MYO5B: variants seen among roughly 807,000 people sequenced by gnomAD.
MYO5B encodes myosin VB.
Under a neutral mutation model 229.3 loss-of-function variants are expected in MYO5B, and 143 were observed. That is an observed-to-expected ratio of 0.62 (90% CI 0.54 to 0.72). The LOEUF (loss-of-function observed/expected upper bound fraction) is 0.72, where lower values mean the gene tolerates loss of function less well. Ranked by LOEUF, MYO5B falls within the 30% of genes least tolerant of loss-of-function variation. MYO5B has a pLI of 0.00. For missense variants in MYO5B, 2,321 were observed against 2,331.0 expected (o/e 1.00, Z 0.09); for synonymous variants, 918 against 885.2 (o/e 1.04, Z -0.66).
chr18:49,890,952 G>A (rs2024705766), intron 22 of MYO5B, among the ~76,000 whole-genome samples: 1 of 152,190 alleles, frequency 6.6e-6, no homozygotes, highest in South Asian at 2.1e-4. Flanking sequence ...CTTCAAAATG[G>A]TCCTGCAGAT....
chr18:50,140,587 A>G (rs760970844), intron 1 of MYO5B, among the ~76,000 whole-genome samples: 70 of 152,240 alleles, frequency 4.6e-4, no homozygotes, highest in Admixed American at 1.1e-3. Context: ...CCTTTCTGAC[A>G]TTTACAACCA....
chr18:49,827,348 C>T (rs1283400890), intron 39 of MYO5B, among the ~76,000 whole-genome samples: 1 of 152,352 alleles, frequency 6.6e-6, no homozygotes, highest in East Asian at 1.9e-4. Context: ...GGGACCTTGT[C>T]CTCCAAAAAT....
intron 34 of MYO5B, 102 bp downstream of exon 34, chr18:49,843,139 G>A: frequency 6.8e-7 from 1 of 1,463,692 alleles, no homozygotes. Context: ...TGGAGCCCTA[G>A]GAGCATTCAC....
intron 1 of MYO5B, among the ~76,000 whole-genome samples, chr18:50,088,502 C>T (rs1252469431): frequency 6.6e-6 from 1 of 152,172 alleles, no homozygotes; most frequent in African/African-American, 2.4e-5. Context: ...TAATTGTGTT[C>T]CTCTTCATTT....
chr18:50,052,684 A>G (rs1297782470), intron 2 of MYO5B, among the ~76,000 whole-genome samples: 2 of 115,734 alleles, frequency 1.7e-5, no homozygotes, highest in East Asian at 2.8e-4. Context: ...GTGCACATGT[A>G]CCCTAAAACT....
intron 27 of MYO5B, among the ~76,000 whole-genome samples, chr18:49,865,490 C>G (rs1281958610): frequency 6.6e-6 from 1 of 152,158 alleles, no homozygotes; most frequent in South Asian, 2.1e-4. Context: ...AGTTAAGGAT[C>G]CCCTCAGTGC....
intron 1 of MYO5B, among the ~76,000 whole-genome samples, chr18:50,096,341 C>T (rs1391354557): frequency 1.3e-5 from 2 of 152,162 alleles, no homozygotes; most frequent in African/African-American, 2.4e-5. Flanking sequence ...CACCAAATTC[C>T]CCCCTTTCCC....
chr18:50,062,198 C>A (rs181160956), intron 1 of MYO5B, among the ~76,000 whole-genome samples: 3 of 152,050 alleles, frequency 2.0e-5, no homozygotes, highest in Non-Finnish European at 2.9e-5. Context: ...CAATTAACAA[C>A]GATACGCCAA....
chr18:49,979,283 A>G (rs1415348628), intron 9 of MYO5B, among the ~76,000 whole-genome samples: 2 of 152,170 alleles, frequency 1.3e-5, no homozygotes, highest in East Asian at 3.9e-4. Flanking sequence ...TACCAGCACC[A>G]ACACCTCCTC....
chr18:50,090,992 G>A (rs75458599), intron 1 of MYO5B, among the ~76,000 whole-genome samples: 5,790 of 152,284 alleles, frequency 0.038, 362 homozygotes, highest in African/African-American at 0.13. Context: ...ATAGTGACAT[G>A]TTTCTATGAA....
At chr18:50,085,579 G>A (rs987044077) in intron 1 of MYO5B, among the ~76,000 whole-genome samples, 1 of 152,104 alleles carries the variant, frequency 6.6e-6, no homozygotes, top group African/African-American at 2.4e-5. Flanking sequence ...ATACCCAAAG[G>A]ATTATAAATC....
intron 25 of MYO5B, among the ~76,000 whole-genome samples, chr18:49,876,736 C>A (rs1057409561): frequency 1.3e-5 from 2 of 152,206 alleles, no homozygotes; most frequent in Non-Finnish European, 2.9e-5. Context: ...CAAAGCCAAG[C>A]ATCTCAAGCC....
At chr18:49,962,874 G>T in intron 11 of MYO5B, 75 bp downstream of exon 11, 1 of 1,262,094 alleles carries the variant, frequency 7.9e-7, no homozygotes, top group South Asian at 1.2e-5. Flanking sequence ...CTCAGAGGAA[G>T]AGAAGTGGCC....
At chr18:50,146,718 C>T (rs986153421) in intron 1 of MYO5B, among the ~76,000 whole-genome samples, 19 of 152,304 alleles carry the variant, frequency 1.2e-4, no homozygotes, top group Middle Eastern at 3.4e-3. Context: ...CTGTATTTTG[C>T]GATCTCTTTA....
At position 50,165,822 on chromosome 18, in the gene MYO5B, G is replaced by C. The variant is rs541826575; in HGVS notation, c.27+28945C>G. Among the ~76,000 whole-genome samples the C allele has an allele frequency of 5.9e-5, 9 of 152,054 alleles. No individual in the cohort carries two copies. The South Asian group carries it at 1.9e-3, about 32-fold the overall frequency. ...GGAAGGAAGGAAGGAAGAAAAGAAG[G>C]AGAGAAAGAGAGAAAGAAAGATAAG... On this transcript the variant is annotated intron_variant, in intron 1 of 39. Coordinates refer to ENST00000285039, the MANE Select transcript of MYO5B (RefSeq NM_001080467.3).
chr18:49,877,872 C>T lies in MYO5B; in HGVS notation c.3287G>A (p.Gly1096Asp). ...TTGGTTTGATGGGTTCCGCCTATGA[C>T]CTGGAGTTTGCTGTTCAACAAGAAA... ...DEMTIIKQTP[G>D]HRRNPSNQSS... Residue 1096 changes from glycine to aspartate, a missense_variant, in exon 25 of 40, where the codon GGT (glycine) becomes GAT (aspartate). By Grantham distance (94) the Gly-to-Asp change is moderately conservative. This residue lies in a region of MYO5B where 2,113 missense variants were observed against 2,044.7 expected (regional missense o/e 1.03). Transcript: ENST00000285039. 4 of 1,614,072 alleles carry T rather than the reference C, an allele frequency of 2.5e-6. No homozygotes were observed. The highest frequency in any genetic ancestry group is 3.4e-6 in the Non-Finnish European group (4 of 1,179,978).
intron 3 of MYO5B, 94 bp from the exon 4 acceptor site, chr18:50,037,088 A>G: frequency 7.1e-7 from 1 of 1,407,162 alleles, no homozygotes; most frequent in Non-Finnish European, 1.0e-6. Context: ...CATGCCAAAA[A>G]CCAAAGAATG....
In MYO5B at chr18:50,040,325, G is replaced by A; in HGVS notation, c.139-11C>T. 6.2e-7 allele frequency: 1 copy of A among 1,613,656 alleles called. No homozygotes were observed. The highest frequency in any genetic ancestry group is 1.1e-5 in the South Asian group (1 of 91,078). ...TGGGTATTCCAGAATCTAAAGACAT[G>A]CAAGTAGCAGACACAAAAAGGTGGT... On this transcript the variant is annotated splice_polypyrimidine_tract_variant and intron_variant, in intron 2 of 39. Coordinates refer to ENST00000285039, the MANE Select transcript of MYO5B (RefSeq NM_001080467.3).
intron 18 of MYO5B, among the ~76,000 whole-genome samples, chr18:49,911,767 G>C (rs2024960453): frequency 6.6e-6 from 1 of 152,166 alleles, no homozygotes. Flanking sequence ...CCATTGCTGG[G>C]TCAGGGGTCT....
Sources: allele counts gnomAD v4.1 joint callset (sites outside exome capture counted in the v4.1 genomes callset), GRCh38; gene constraint gnomAD v4.1.1; regional missense constraint gnomAD v4.1.1; transcripts MANE v1.5; gene names NCBI Gene and HGNC (gene_info 2026-07-23, HGNC 2026-07-21).